The following RUNX3 variants were observed in gnomAD, a reference collection of about 807,000 sequenced individuals.
RUNX3 encodes the protein RUNX family transcription factor 3.
RUNX3 carries 10 observed loss-of-function variants against 27.7 expected under a neutral mutation model. The ratio of observed to expected loss-of-function variants is 0.36; its 90% CI spans 0.22 to 0.61. RUNX3 has a LOEUF of 0.61. RUNX3 is among the 20% of genes least tolerant of loss of function. The pLI is 0.72. For synonymous variants in RUNX3, 270 were observed against 269.2 expected (o/e 1.00, Z -0.03); for missense variants, 469 against 629.5 (o/e 0.75, Z 2.73).
intron 2 of RUNX3, among the ~76,000 whole-genome samples, chr1:24,919,617 C>A (rs1640956828): frequency 6.6e-6 from 1 of 152,144 alleles, no homozygotes. Flanking sequence ...GGCCTTTCTG[C>A]TGTCTCTTCT....
Position 24,929,646 on chromosome 1 carries a change from G to A in RUNX3, c.223C>T (p.Leu75Phe). The A allele has an allele frequency of 6.2e-7, 1 of 1,606,890 alleles. No homozygotes were observed. The highest frequency in any genetic ancestry group is 8.5e-7 in the Non-Finnish European group (1 of 1,178,518). ...ELVRTDSPNF[L>F]CSVLPSHWRC... ...CAGTGCGAGGGCAGCACGGAGCAGA[G>A]GAAGTTGGGGCTGTCGGTGCGCACG... Residue 75 changes from leucine to phenylalanine, a missense_variant, in exon 1 of 5, where the codon CTC becomes TTC. Physicochemically the swap from Leu to Phe is conservative, Grantham distance 22. Around this residue, in one of 3 missense-constraint regions of RUNX3, gnomAD observed 75 missense variants for 168.5 expected, o/e 0.45. Coordinates refer to ENST00000308873, the MANE Select transcript of RUNX3 (RefSeq NM_004350.3).
In RUNX3 at chr1:24,907,281, G is replaced by A; in HGVS notation, c.681C>T (p.Ser227=). 4 of 1,612,114 alleles carry A rather than the reference G, an allele frequency of 2.5e-6. No individual in the cohort carries two copies. The highest frequency in any genetic ancestry group is 3.4e-6 in the Non-Finnish European group (4 of 1,180,022). Residue 227 remains serine, a synonymous_variant, in exon 4 of 5, where the codon AGC becomes AGT. Transcript: ENST00000308873. ...TACCTTGGATTGGGGTCTGGGGCTG[G>A]CTGCTGAAGTGGCTTGTGGTGCTGA... ...GSLSTTSHFS[S]QPQTPIQGTS...
chr1:24,930,671 T>C (rs1485871218), upstream of RUNX3, among the ~76,000 whole-genome samples: 2 of 152,110 alleles, frequency 1.3e-5, no homozygotes, highest in African/African-American at 4.8e-5. This position sits in a 1 kb window ranked among gnomAD's most constrained non-coding sequence, Gnocchi z 4.1. Context: ...GCTTCGGGCC[T>C]GTGACTTCTG....
chr1:24,951,013 C>A (rs1371835172), intron 2 of RUNX3, among the ~76,000 whole-genome samples: 1 of 152,040 alleles, frequency 6.6e-6, no homozygotes, highest in Non-Finnish European at 1.5e-5. Context: ...TGAGACCCTC[C>A]TGGATAACAT....
intron 2 of RUNX3, among the ~76,000 whole-genome samples, chr1:24,951,489 G>C (rs949710051): frequency 1.3e-5 from 2 of 152,210 alleles, no homozygotes; most frequent in African/African-American, 4.8e-5. Flanking sequence ...CCATTTCTCA[G>C]ACGAGGAAAC....
chr1:24,945,856 G>A lies in RUNX3; in HGVS notation c.59-16004C>T, dbSNP rs574508663. On this transcript the variant is annotated intron_variant, in intron 2 of 6. Transcript: ENST00000338888. The stretch of plus-strand genomic sequence containing the variant: ...GAGACCATCTCTAAAACTCCCAGGA[G>A]GACTTGGCCCCCTCTCTTTCCCCTC... Among the ~76,000 whole-genome samples, 27 of 152,260 alleles carry A rather than the reference G, an allele frequency of 1.8e-4. No homozygotes were observed. The East Asian group carries it at 5.0e-3, about 28-fold the overall frequency.
At chr1:24,924,834 C>T (rs1407865595) in intron 2 of RUNX3, among the ~76,000 whole-genome samples, 1 of 152,136 alleles carries the variant, frequency 6.6e-6, no homozygotes, top group Non-Finnish European at 1.5e-5. Context: ...AAAGGCTCCT[C>T]GTGTCTGGCA....
exon 1 of RUNX3, chr1:24,964,934 C>G: frequency 3.5e-6 from 1 of 282,762 alleles, no homozygotes; most frequent in Non-Finnish European, 6.9e-6. Context: ...AAGGGGCTTT[C>G]GGCAGCCAGG....
upstream of RUNX3, among the ~76,000 whole-genome samples, chr1:24,930,679 C>T (rs1169150665): frequency 6.6e-6 from 1 of 152,178 alleles, no homozygotes; most frequent in Non-Finnish European, 1.5e-5. This position sits in a 1 kb window ranked among gnomAD's most constrained non-coding sequence, Gnocchi z 4.1. Context: ...CCTGTGACTT[C>T]TGCAACCCCG....
intron 3 of RUNX3, among the ~76,000 whole-genome samples, chr1:24,909,170 G>C (rs1258462691): frequency 6.6e-6 from 1 of 152,166 alleles, no homozygotes; most frequent in Non-Finnish European, 1.5e-5. Context: ...CACTTCTGGA[G>C]TGATATCAAG....
At chr1:24,952,506 T>C (rs563049683) in intron 2 of RUNX3, among the ~76,000 whole-genome samples, 1 of 152,376 alleles carries the variant, frequency 6.6e-6, no homozygotes, top group East Asian at 1.9e-4. Flanking sequence ...CCATTATTTC[T>C]GCTCAACAGC....
rs1640515121 is a variant in RUNX3, at chr1:24,900,442, G to A, written c.*1680C>T. 1 of 152,382 alleles carries A rather than the reference G, an allele frequency of 6.6e-6. No individual in the cohort carries two copies. The highest frequency in any genetic ancestry group is 1.5e-5 in the Non-Finnish European group (1 of 68,048). 9.4% of individuals were successfully genotyped at this position (152,382 alleles called of 1,614,324 possible). A position where few individuals can be genotyped will look rare whatever the true frequency, so the allele number is the denominator to read the frequency against. On this transcript the variant is annotated 3_prime_UTR_variant, in exon 5 of 5. Transcript: ENST00000308873. ...GAGGCAGAAAGTTAAAATACCGCAT[G>A]CTGCTAGCCTTTATGAGTTCCCTTA... is the stretch of plus-strand genomic sequence containing the variant.
Position 24,901,036 on chromosome 1 carries a change from G to GTTTTTTTTTTTT in RUNX3, c.*1074_*1085dup, listed in dbSNP as rs3085849. ...TGTTTTGTTTTTTTTTTGTTTTTTTGTTTTTTTTTTTTTTTTGCTCAGGAC... is the reference window on the plus strand; with the variant it reads ...TGTTTTGTTTTTTTTTTGTTTTTTTGTTTTTTTTTTTTTTTTTTTTTTTTTTTTGCTCAGGAC... On this transcript the variant is annotated 3_prime_UTR_variant, in exon 5 of 5. Coordinates refer to ENST00000308873, the MANE Select transcript of RUNX3 (RefSeq NM_004350.3). 7.7e-5 allele frequency: 9 copies of GTTTTTTTTTTTT among 116,906 alleles called. No homozygotes were observed. The highest frequency in any genetic ancestry group is 2.7e-4 in the South Asian group (1 of 3,730). 7.2% of individuals were successfully genotyped at this position (116,906 alleles called of 1,614,324 possible). A position where few individuals can be genotyped will look rare whatever the true frequency, so the allele number is the denominator to read the frequency against.
At position 24,929,796 on chromosome 1, in the gene RUNX3, C is replaced by A; in HGVS notation, c.73G>T (p.Gly25Cys). 2 of 1,427,730 alleles carry A rather than the reference C, an allele frequency of 1.4e-6. No individual in the cohort carries two copies. The highest frequency in any genetic ancestry group is 1.8e-6 in the Non-Finnish European group (2 of 1,098,398). 88.4% of individuals were successfully genotyped at this position (1,427,730 alleles called of 1,614,324 possible). Reference protein sequence around the residue: ...PPSPAFPCGGGGGKMGENSGA... With the variant: ...PPSPAFPCGGCGGKMGENSGA... ...CTGTTCTCGCCCATCTTGCCGCCGC[C>A]GCCGCCGCAGGGGAAGGCCGGGGAG... Residue 25 changes from glycine to cysteine, a missense_variant, in exon 1 of 5, where the codon GGC becomes TGC. This residue lies in a region of RUNX3 where 115 missense variants were observed against 118.0 expected (regional missense o/e 0.97). Transcript: ENST00000308873.
chr1:24,907,186 G>A, intron 4 of RUNX3, 73 bp downstream of exon 4: 1 of 1,483,774 alleles, frequency 6.7e-7, no homozygotes, highest in South Asian at 1.2e-5. Context: ...CTTTTGGTCT[G>A]GGGCAGATTG....
intron 2 of RUNX3, among the ~76,000 whole-genome samples, chr1:24,952,648 T>G (rs1332824078): frequency 3.9e-5 from 6 of 152,208 alleles, no homozygotes; most frequent in African/African-American, 1.4e-4. Context: ...AGAAATCATC[T>G]CCAGTCATGT....
intron 3 of RUNX3, among the ~76,000 whole-genome samples, chr1:24,914,368 G>T (rs1291455619): frequency 6.6e-6 from 1 of 152,246 alleles, no homozygotes; most frequent in Non-Finnish European, 1.5e-5. Context: ...CAGCAGGGTG[G>T]GGCGCCGGGC....
upstream of RUNX3, among the ~76,000 whole-genome samples, chr1:24,934,945 G>A (rs921017978): frequency 9.2e-5 from 14 of 152,160 alleles, no homozygotes; most frequent in Admixed American, 8.5e-4. Flanking sequence ...AGGGTCATTC[G>A]GGAGGGTCCT....
At chr1:24,936,920 A>G (rs1641361665) in intron 2 of RUNX3, among the ~76,000 whole-genome samples, 1 of 152,234 alleles carries the variant, frequency 6.6e-6, no homozygotes, top group Non-Finnish European at 1.5e-5. Context: ...TAAAAGCCAC[A>G]TGGCTTTCCA....
Sources: allele counts gnomAD v4.1 joint callset (sites outside exome capture counted in the v4.1 genomes callset), GRCh38; gene constraint gnomAD v4.1.1; regional missense constraint gnomAD v4.1.1; non-coding constraint Gnocchi (gnomAD v3.1); transcripts MANE v1.5; gene names NCBI Gene and HGNC (gene_info 2026-07-23, HGNC 2026-07-21).